The following USP43 variants were observed in gnomAD, a reference collection of about 807,000 sequenced individuals.
The protein encoded by USP43 is ubiquitin specific peptidase 43, also known as ubiquitin carboxyl-terminal hydrolase 43.
USP43 carries 33 observed loss-of-function variants against 90.7 expected under a neutral mutation model. The ratio of observed to expected loss-of-function variants is 0.36; its 90% CI spans 0.28 to 0.49. The LOEUF (loss-of-function observed/expected upper bound fraction) is 0.49. Ranked by LOEUF, USP43 falls within the 20% of genes least tolerant of loss-of-function variation. The pLI, the probability that USP43 is intolerant of heterozygous loss-of-function variation, is 0.98. For missense variants in USP43, 1,274 were observed against 1,476.4 expected, an observed-to-expected ratio of 0.86 and a Z score of 2.25; for synonymous variants, 598 against 615.8, an observed-to-expected ratio of 0.97 and a Z score of 0.43.
chr17:9,664,069 G>A (rs1240577950), intron 2 of USP43, among the ~76,000 whole-genome samples: 1 of 152,144 alleles, frequency 6.6e-6, no homozygotes, highest in African/African-American at 2.4e-5. Context: ...CTGTATTCTA[G>A]GGAAACTGGG....
At position 9,645,636 on chromosome 17, in the gene USP43, G is replaced by A; in HGVS notation, c.4G>A (p.Asp2Asn). 1 of 1,222,974 alleles carries A rather than the reference G, an allele frequency of 8.2e-7. No individual in the cohort carries two copies. Among genetic ancestry groups the A allele is most frequent in the Non-Finnish European group, 1.0e-6 (1 of 984,142 alleles). The allele number at this position is 1,222,974 out of a possible 1,614,324, so 75.8% of individuals were successfully genotyped here. Residue 2 changes from aspartate to asparagine, a missense_variant, in exon 1 of 15, where the codon GAC (aspartate) becomes AAC (asparagine). By Grantham distance (23) the Asp-to-Asn change is conservative. Around this residue, in one of 6 missense-constraint regions of USP43, gnomAD observed 112 missense variants for 106.6 expected, o/e 1.05. Transcript: ENST00000285199. The surrounding 1 kb of genome is among the most constrained non-coding windows in gnomAD (Gnocchi z 6.8). M[D>N]LGPGDAAGGG... Reference sequence around the variant, plus strand: ...TGGAGCTGCGCCGGCGGCAGCCATGGACCTGGGCCCCGGGGACGCGGCAGG... The same window carrying A: ...TGGAGCTGCGCCGGCGGCAGCCATGAACCTGGGCCCCGGGGACGCGGCAGG...
intron 2 of USP43, among the ~76,000 whole-genome samples, chr17:9,660,152 C>T (rs147658768): frequency 7.9e-5 from 12 of 152,148 alleles, no homozygotes; most frequent in Non-Finnish European, 1.3e-4. Context: ...GAAGGCCTGG[C>T]AATAATTCTT....
At chr17:9,702,994 G>T (rs1375891957) in intron 12 of USP43, among the ~76,000 whole-genome samples, 3 of 152,184 alleles carry the variant, frequency 2.0e-5, no homozygotes, top group Non-Finnish European at 4.4e-5. Flanking sequence ...GCCTTATGCT[G>T]CTGTGCGGTG....
chr17:9,672,609 TGGA>T (rs1167941448), intron 3 of USP43, among the ~76,000 whole-genome samples: 1 of 151,848 alleles, frequency 6.6e-6, no homozygotes, highest in East Asian at 1.9e-4. Context: ...TGGACAGAGG[TGGA>T]GAAGGATTGG....
intron 1 of USP43, among the ~76,000 whole-genome samples, chr17:9,649,069 C>T (rs1302393449): frequency 2.6e-5 from 4 of 151,796 alleles, no homozygotes; most frequent in Non-Finnish European, 5.9e-5. Context: ...TAGCTCACTA[C>T]AGTTTTCAAT....
intron 12 of USP43, among the ~76,000 whole-genome samples, chr17:9,704,671 G>A (rs1915774243): frequency 6.6e-6 from 1 of 152,004 alleles, no homozygotes; most frequent in African/African-American, 2.4e-5. Flanking sequence ...TCCTCACCTG[G>A]CTTGGCTTCT....
intron 14 of USP43, among the ~76,000 whole-genome samples, chr17:9,720,467 A>G (rs1246646749): frequency 6.7e-6 from 1 of 149,010 alleles, no homozygotes; most frequent in Admixed American, 6.7e-5. Context: ...CACTATCATG[A>G]GTTTGCAAAT....
At chr17:9,678,129 G>A (rs1913910079) in intron 5 of USP43, among the ~76,000 whole-genome samples, 1 of 152,158 alleles carries the variant, frequency 6.6e-6, no homozygotes, top group Non-Finnish European at 1.5e-5. Context: ...AGAAGTCTAT[G>A]AGAGGGAGCG....
chr17:9,700,153 T>G lies in USP43; in HGVS notation c.1458-19T>G. On this transcript the variant is annotated intron_variant, in intron 9 of 14. Transcript: ENST00000285199. Reference sequence around the variant, plus strand: ...GGAGGCCCCGTGTTTTCTGATGGGCTCCCTTGTTCTCTTCTCAGGGTTTTG... The same window carrying G: ...GGAGGCCCCGTGTTTTCTGATGGGCGCCCTTGTTCTCTTCTCAGGGTTTTG... 1 of 1,587,714 alleles carries G rather than the reference T, an allele frequency of 6.3e-7. No individual in the cohort carries two copies. Among genetic ancestry groups the G allele is most frequent in the Non-Finnish European group, 8.6e-7 (1 of 1,166,964 alleles).
chr17:9,656,468 G>A lies in USP43; in HGVS notation c.570G>A (p.Leu190=), dbSNP rs776480652. ...CCCAGCACGACGCCCTGGAATTCCT[G>A]CTCTGGTTGCTGGATCGTGTACATG... The part of the protein sequence containing the change: ...GNSQHDALEF[L]LWLLDRVHED... The change falls in exon 2 of 15, where the codon CTG becomes CTA. Residue 190 remains leucine, a synonymous_variant. Transcript: ENST00000285199. 2 of 1,610,296 alleles carry A rather than the reference G, an allele frequency of 1.2e-6. No individual in the cohort carries two copies. The highest frequency in any genetic ancestry group is 2.2e-5 in the East Asian group (1 of 44,782).
At chr17:9,700,357 A>G in intron 10 of USP43, 108 bp downstream of exon 10, 1 of 1,064,030 alleles carries the variant, frequency 9.4e-7, no homozygotes, top group South Asian at 1.5e-5. Flanking sequence ...GGGTGCACAC[A>G]TCTTTGAGCC....
At chr17:9,678,717 G>A (rs963260826) in intron 5 of USP43, among the ~76,000 whole-genome samples, 3 of 150,240 alleles carry the variant, frequency 2.0e-5, no homozygotes, top group Non-Finnish European at 3.0e-5. Context: ...ATTTTGTACC[G>A]CCCCTCCCCC....
intron 2 of USP43, among the ~76,000 whole-genome samples, chr17:9,658,478 G>T (rs538105641): frequency 2.6e-5 from 4 of 151,948 alleles, no homozygotes; most frequent in Non-Finnish European, 5.9e-5. Flanking sequence ...AGCCCAGGGG[G>T]GTCTGGTTTG....
At chr17:9,665,942 C>T (rs1446997472) in intron 2 of USP43, among the ~76,000 whole-genome samples, 1 of 152,160 alleles carries the variant, frequency 6.6e-6, no homozygotes, top group Non-Finnish European at 1.5e-5. Context: ...GGAGGGAGTG[C>T]AGCCCTGCCA....
chr17:9,702,285 G>A (rs1426215415), intron 12 of USP43, among the ~76,000 whole-genome samples: 1 of 152,170 alleles, frequency 6.6e-6, no homozygotes, highest in Non-Finnish European at 1.5e-5. Context: ...AGGAGGCTGA[G>A]GCCGTGGTGA....
intron 14 of USP43, among the ~76,000 whole-genome samples, chr17:9,725,791 C>G (rs540682844): frequency 6.6e-6 from 1 of 152,124 alleles, no homozygotes. Context: ...CGCCACCTGC[C>G]GGGGCTCCAG....
At chr17:9,648,591 G>T (rs1016095237) in intron 1 of USP43, among the ~76,000 whole-genome samples, 3 of 152,182 alleles carry the variant, frequency 2.0e-5, no homozygotes, top group African/African-American at 7.2e-5. Flanking sequence ...GGCAGGGAAA[G>T]CTTCCCTGGA....
At chr17:9,691,498 G>A (rs1277302170) in intron 8 of USP43, among the ~76,000 whole-genome samples, 1 of 152,060 alleles carries the variant, frequency 6.6e-6, no homozygotes, top group Non-Finnish European at 1.5e-5. Flanking sequence ...GGACACTCAG[G>A]TTGTTTCTTT....
intron 6 of USP43, among the ~76,000 whole-genome samples, chr17:9,681,462 T>TTTTTTATATATATATATATATA (rs1491455898): frequency 5.4e-5 from 1 of 18,578 alleles, no homozygotes; most frequent in Non-Finnish European, 8.6e-5. Flanking sequence ...ATAAAATATA[T>TTTTTTATATATATATATATATA]TATATATATA....
Sources: gnomAD v4.1 joint callset for allele counts (sites outside exome capture counted in the v4.1 genomes callset) on GRCh38, gnomAD v4.1.1 for gene constraint, gnomAD v4.1.1 regional missense constraint, Gnocchi (gnomAD v3.1) non-coding constraint, MANE v1.5 for transcripts, NCBI Gene and HGNC (gene_info 2026-07-23, HGNC 2026-07-21) for gene names.